Variants in GCNT2 observed in about 807,000 individuals in gnomAD.
GCNT2 encodes the protein N-acetyllactosaminide beta-1,6-N-acetylglucosaminyl-transferase.
GCNT2 carries 34 observed loss-of-function variants against 34.2 expected under a neutral mutation model. The observed-to-expected ratio is 1.00, with a 90% CI of 0.76 to 1.32. The LOEUF (loss-of-function observed/expected upper bound fraction) is 1.32, where lower values mean the gene tolerates loss of function less well. GCNT2 is among the 40% of genes most tolerant of loss of function. The pLI is 0.00. For missense variants in GCNT2, 584 were observed against 489.4 expected (o/e 1.19, Z -1.82); for synonymous variants, 212 against 188.0 (o/e 1.13, Z -1.04).
At chr6:10,594,167 C>T (rs1050831044) in intron 3 of GCNT2, among the ~76,000 whole-genome samples, 7 of 152,162 alleles carry the variant, frequency 4.6e-5, no homozygotes, top group African/African-American at 1.7e-4. Context: ...TGGAGCAGTC[C>T]CCAGAATTTG....
chr6:10,522,168 G>A (rs9460803), intron 1 of GCNT2, among the ~76,000 whole-genome samples: 3 of 152,066 alleles, frequency 2.0e-5, no homozygotes, highest in Admixed American at 6.5e-5. Flanking sequence ...GATTACAGGC[G>A]TGAGCCACCG....
chr6:10,525,091 T>A lies in GCNT2; in HGVS notation c.-468-2383T>A, dbSNP rs11962362. ...AATAATTAAGGTGAGGATGATGGGA[T>A]TCTTGTCTGTAGAAAGGAACCCCTT... On this transcript the variant is annotated intron_variant, in intron 1 of 4. Transcript: ENST00000495262. Among the ~76,000 whole-genome samples, 274 of 152,328 alleles carry A rather than the reference T, an allele frequency of 1.8e-3. 1 individual carries two copies. Among genetic ancestry groups the A allele is most frequent in the African/African-American group, 6.3e-3 (264 of 41,582 alleles).
chr6:10,597,927 T>A (rs1225039898), intron 3 of GCNT2, among the ~76,000 whole-genome samples: 2 of 152,210 alleles, frequency 1.3e-5, no homozygotes, highest in East Asian at 1.9e-4. Flanking sequence ...TTTCTTTTTT[T>A]AAAAAAGTGC....
chr6:10,568,868 G>T (rs1763400513), intron 3 of GCNT2, among the ~76,000 whole-genome samples: 2 of 152,022 alleles, frequency 1.3e-5, no homozygotes, highest in South Asian at 4.1e-4. Flanking sequence ...CTTGTTTAAT[G>T]GTATGTCATT....
intron 3 of GCNT2, among the ~76,000 whole-genome samples, chr6:10,549,554 T>C (rs35439054): frequency 1.8e-5 from 2 of 108,632 alleles, no homozygotes; most frequent in South Asian, 2.9e-4. Flanking sequence ...TCTCTCTCAA[T>C]CTCTCTCTCT....
intron 3 of GCNT2, among the ~76,000 whole-genome samples, chr6:10,589,505 C>A (rs1213720015): frequency 6.6e-6 from 1 of 151,998 alleles, no homozygotes; most frequent in African/African-American, 2.4e-5. Flanking sequence ...GGTGTCCTTT[C>A]TGGAAAGGAT....
chr6:10,601,968 A>C (rs1428590071), intron 3 of GCNT2, among the ~76,000 whole-genome samples: 1 of 151,212 alleles, frequency 6.6e-6, no homozygotes, highest in African/African-American at 2.4e-5. Context: ...AAACAAAAAA[A>C]ACACTAAAGC....
rs1265880335 is a variant in GCNT2 at position 10,529,813 on chromosome 6, G to A, written c.902G>A (p.Trp301Ter). The change falls in exon 3 of 5, where the codon TGG becomes TAG. Residue 301 changes from tryptophan (W) to a stop codon, truncating the protein, a stop_gained. Coordinates refer to ENST00000495262, the MANE Select transcript of GCNT2 (RefSeq NM_145649.5). LOFTEE classifies it high-confidence loss of function. ...KDTYSPDEHF[W>*]VTLNRIPGVP... ...ACCTACAGCCCCGACGAACATTTCT[G>A]GGTGACACTCAACAGGATTCCCGGT... The A allele has an allele frequency of 2.5e-6, 4 of 1,613,694 alleles. No individual in the cohort carries two copies. The highest frequency in any genetic ancestry group is 8.5e-7 in the Non-Finnish European group (1 of 1,179,780).
At chr6:10,546,883 CATT>C (rs1762297582) in intron 3 of GCNT2, among the ~76,000 whole-genome samples, 1 of 151,998 alleles carries the variant, frequency 6.6e-6, no homozygotes, top group Admixed American at 6.6e-5. Context: ...CCAGAGATAA[CATT>C]AATAATATGT....
intron 4 of GCNT2, among the ~76,000 whole-genome samples, chr6:10,623,081 GT>G (rs1445994229): frequency 2.4e-4 from 37 of 151,780 alleles, no homozygotes; most frequent in African/African-American, 8.5e-4. Context: ...AATGTTAAAT[GT>G]TTCAGGTGAA....
In GCNT2 at chr6:10,589,189, ATG is replaced by A. The variant is rs1350183078; in HGVS notation, c.926-32156_926-32155del. On this transcript the variant is annotated intron_variant, in intron 3 of 4. Transcript: ENST00000495262. Reference sequence around the variant, plus strand: ...GGTGTGTGTGTGGTGTATGTGCGTCATGTGTGTATGGTGTGTGTGGTGTGTGT... The same window carrying A: ...GGTGTGTGTGTGGTGTATGTGCGTCATGTGTATGGTGTGTGTGGTGTGTGT... 6.3e-5 allele frequency among the ~76,000 whole-genome samples: 5 copies of A among 79,860 alleles called. No homozygotes were observed. The East Asian group carries it at 1.0e-3, about 16-fold the overall frequency. 52.4% of individuals were successfully genotyped at this position (79,860 alleles called of 152,430 possible).
chr6:10,541,361 G>A (rs1269957235), intron 3 of GCNT2, among the ~76,000 whole-genome samples: 1 of 152,136 alleles, frequency 6.6e-6, no homozygotes, highest in Non-Finnish European at 1.5e-5. Context: ...TTTTATGGCT[G>A]CATAATATTC....
chr6:10,569,235 CCACACACACACA>C lies in GCNT2; in HGVS notation c.925+39427_925+39438del, dbSNP rs373362957. On this transcript the variant is annotated intron_variant, in intron 3 of 4. Transcript: ENST00000495262. The stretch of plus-strand genomic sequence containing the variant: ...CACCCCCTGCCACCCACTCCCCCCG[CCACACACACACA>C]CACACACACACACACACACACACAC... Among the ~76,000 whole-genome samples the C allele has an allele frequency of 7.8e-4, 37 of 47,516 alleles. 1 individual carries two copies. Among genetic ancestry groups the C allele is most frequent in the African/African-American group, 1.0e-3 (18 of 17,844 alleles). 31.2% of individuals were successfully genotyped at this position (47,516 alleles called of 152,430 possible).
At chr6:10,598,644 C>T (rs1764958065) in intron 3 of GCNT2, among the ~76,000 whole-genome samples, 1 of 152,192 alleles carries the variant, frequency 6.6e-6, no homozygotes, top group South Asian at 2.1e-4. Flanking sequence ...ATCTTCACCT[C>T]TCTGATTGTT....
At chr6:10,616,965 C>T (rs1348225529) in intron 3 of GCNT2, among the ~76,000 whole-genome samples, 1 of 151,984 alleles carries the variant, frequency 6.6e-6, no homozygotes, top group Non-Finnish European at 1.5e-5. Flanking sequence ...TCTCCACGTC[C>T]CCACCAGACT....
At position 10,529,544 on chromosome 6, in the gene GCNT2, A is replaced by G; in HGVS notation, c.633A>G (p.Lys211=). The change falls in exon 3 of 5, where the codon AAA becomes AAG. Residue 211 remains lysine (K), a synonymous_variant. Transcript: ENST00000495262. ...TAGTTCAGTATCTGAAGGGATTTAAAGGGAAAAATATCACCCCCGGAGTGC... is the reference window on the plus strand; with the variant it reads ...TAGTTCAGTATCTGAAGGGATTTAAGGGGAAAAATATCACCCCCGGAGTGC... ...REIVQYLKGF[K]GKNITPGVLP... 6.2e-7 allele frequency: 1 copy of G among 1,614,204 alleles called. No individual in the cohort carries two copies. The highest frequency in any genetic ancestry group is 8.5e-7 in the Non-Finnish European group (1 of 1,180,022).
At chr6:10,567,910 A>C (rs1763360535) in intron 3 of GCNT2, among the ~76,000 whole-genome samples, 2 of 152,244 alleles carry the variant, frequency 1.3e-5, no homozygotes, top group South Asian at 4.1e-4. Flanking sequence ...TGGATTTTAT[A>C]ATCCCTCACT....
At chr6:10,527,806 G>A (rs1463249447) in intron 2 of GCNT2, 146 bp downstream of exon 2, 2 of 152,062 alleles carry the variant, frequency 1.3e-5, no homozygotes, top group Non-Finnish European at 2.9e-5. Flanking sequence ...GATGGACTCT[G>A]TATATGTTAT....
At chr6:10,615,938 G>A (rs1765739369) in intron 3 of GCNT2, among the ~76,000 whole-genome samples, 1 of 152,190 alleles carries the variant, frequency 6.6e-6, no homozygotes, top group Non-Finnish European at 1.5e-5. Flanking sequence ...TATCAGCAAG[G>A]TCTTTATGAC....
Sources: allele counts gnomAD v4.1 joint callset (sites outside exome capture counted in the v4.1 genomes callset), GRCh38; gene constraint gnomAD v4.1.1; transcripts MANE v1.5; gene names NCBI Gene and HGNC (gene_info 2026-07-23, HGNC 2026-07-21).